TMCO4: variants seen among roughly 807,000 people sequenced by gnomAD.
TMCO4 encodes transmembrane and coiled-coil domain-containing protein 4.
In TMCO4, 58 loss-of-function variants were observed where a neutral mutation model predicts 64.7. That is an observed-to-expected ratio of 0.90 (90% confidence interval 0.73 to 1.12). TMCO4 has a LOEUF of 1.12. TMCO4 is among the 50% of genes most tolerant of loss of function. The probability of loss-of-function intolerance (pLI) is 0.00; values close to 1 mark genes in which losing one functional copy is unlikely to be tolerated. For synonymous variants in TMCO4, 325 were observed against 346.1 expected (o/e 0.94, Z 0.68); for missense variants, 780 against 825.9 (o/e 0.94, Z 0.68).
intron 13 of TMCO4, among the ~76,000 whole-genome samples, chr1:19,725,170 A>C (rs2095403411): frequency 6.6e-6 from 1 of 152,132 alleles, no homozygotes; most frequent in Non-Finnish European, 1.5e-5. Context: ...GGATTGACTA[A>C]TGGACCCTAG....
At chr1:19,751,747 T>A (rs1327256521) in intron 7 of TMCO4, among the ~76,000 whole-genome samples, 1 of 152,202 alleles carries the variant, frequency 6.6e-6, no homozygotes, top group Non-Finnish European at 1.5e-5. Context: ...TATTTGCATG[T>A]TCTTAATAAT....
intron 9 of TMCO4, among the ~76,000 whole-genome samples, chr1:19,746,212 G>T (rs1414516311): frequency 6.6e-5 from 10 of 152,170 alleles, no homozygotes; most frequent in Admixed American, 2.0e-4. Context: ...GTGGAAGCAG[G>T]TTCCACTGGG....
At chr1:19,722,993 T>C (rs764841304) in intron 13 of TMCO4, among the ~76,000 whole-genome samples, 27 of 152,170 alleles carry the variant, frequency 1.8e-4, no homozygotes, top group Non-Finnish European at 2.6e-4. Context: ...ATGGGACACA[T>C]GTACTAGTGG....
chr1:19,717,940 A>T (rs1333470361), intron 13 of TMCO4, among the ~76,000 whole-genome samples: 1 of 152,228 alleles, frequency 6.6e-6, no homozygotes, highest in Non-Finnish European at 1.5e-5. Context: ...GAAATGGTTT[A>T]GACATACATG....
rs1325507949 is a variant in TMCO4 at position 19,734,757 on chromosome 1, A to G, written c.1264+2615T>C. 2.6e-5 allele frequency among the ~76,000 whole-genome samples: 4 copies of G among 152,090 alleles called. No homozygotes were observed. Among genetic ancestry groups the G allele is most frequent in the Admixed American group, 2.0e-4 (3 of 15,280 alleles). ...AAATACAGCATAGTGGTTAGGAGTG[A>G]GGGCTCCAGGGCCAGACTCCCTGGG... On this transcript the variant is annotated intron_variant, in intron 13 of 15. Transcript: ENST00000294543. The surrounding 1 kb of genome is among the most constrained non-coding windows in gnomAD (Gnocchi z 4.4).
At position 19,755,007 on chromosome 1, in the gene TMCO4, A is replaced by G. The variant is rs1570910497; in HGVS notation, c.515+627T>C. Among the ~76,000 whole-genome samples the G allele has an allele frequency of 5.9e-5, 9 of 152,326 alleles. 1 individual carries two copies. The South Asian group carries it at 1.9e-3, about 32-fold the overall frequency. ...GGTATCAGAAACGGGAATTGAATCC[A>G]GGTCAATTGTGCCCGTGAACCAGGT... On this transcript the variant is annotated intron_variant, in intron 7 of 15. Transcript: ENST00000294543.
chr1:19,683,588 T>C, intron 15 of TMCO4, 144 bp from the exon 16 acceptor site: 1 of 863,698 alleles, frequency 1.2e-6, no homozygotes, highest in Non-Finnish European at 1.7e-6. Context: ...CATCCCTCAG[T>C]GGCTCTCAAA....
chr1:19,743,896 T>A lies in TMCO4; in HGVS notation c.877+1636A>T, dbSNP rs1557551055. 6.6e-6 allele frequency among the ~76,000 whole-genome samples: 1 copy of A among 152,174 alleles called. No individual in the cohort carries two copies. Among genetic ancestry groups the A allele is most frequent in the Non-Finnish European group, 1.5e-5 (1 of 68,022 alleles). ...AAGTGAAGTTTCTAGGAGGTAACCATACCAAGTTCCTACTATGCTGGTAAA... is the reference window on the plus strand; with the variant it reads ...AAGTGAAGTTTCTAGGAGGTAACCAAACCAAGTTCCTACTATGCTGGTAAA... On this transcript the variant is annotated intron_variant, in intron 10 of 15. Transcript: ENST00000294543. This position sits in a 1 kb window ranked among gnomAD's most constrained non-coding sequence, Gnocchi z 4.1.
intron 6 of TMCO4, among the ~76,000 whole-genome samples, chr1:19,768,264 G>C (rs2042830147): frequency 6.6e-6 from 1 of 152,170 alleles, no homozygotes; most frequent in African/African-American, 2.4e-5. Flanking sequence ...GCACATGGCG[G>C]CTTTGCCATT....
At position 19,740,772 on chromosome 1, in the gene TMCO4, C is replaced by T; in HGVS notation, c.1042+5G>A. Reference sequence around the variant, plus strand: ...TGTTGTTGGGGGGCAGGTGGGGGCACTTACCAGACAACACTGTGTACTTTA... The same window carrying T: ...TGTTGTTGGGGGGCAGGTGGGGGCATTTACCAGACAACACTGTGTACTTTA... On this transcript the variant is annotated splice_donor_5th_base_variant and intron_variant, in intron 11 of 15. Transcript: ENST00000294543. 6.2e-7 allele frequency: 1 copy of T among 1,604,884 alleles called. No homozygotes were observed. Among genetic ancestry groups the T allele is most frequent in the South Asian group, 1.1e-5 (1 of 89,712 alleles).
Position 19,757,997 on chromosome 1 carries a change from G to C in TMCO4, c.383-2231C>G, listed in dbSNP as rs753103953. On this transcript the variant is annotated intron_variant, in intron 6 of 15. Transcript: ENST00000294543. Reference sequence around the variant, plus strand: ...TGTGAAGACACAAGTTGTCTAAAACGCTAATTCCCCAGTCCAGCTGCCTAT... The same window carrying C: ...TGTGAAGACACAAGTTGTCTAAAACCCTAATTCCCCAGTCCAGCTGCCTAT... 7.2e-5 allele frequency among the ~76,000 whole-genome samples: 11 copies of C among 152,294 alleles called. 1 individual carries two copies. Among genetic ancestry groups the C allele is most frequent in the South Asian group, 4.1e-4 (2 of 4,824 alleles).
At chr1:19,691,288 G>A (rs1029555240) in intron 15 of TMCO4, among the ~76,000 whole-genome samples, 1 of 152,144 alleles carries the variant, frequency 6.6e-6, no homozygotes, top group Admixed American at 6.5e-5. Flanking sequence ...GGCTTCATTT[G>A]TGATCCTCTG....
intron 2 of TMCO4, among the ~76,000 whole-genome samples, chr1:19,789,179 T>A (rs6690096): frequency 0.9 from 136,869 of 152,220 alleles, 61,622 homozygotes; most frequent in African/African-American, 0.93. Flanking sequence ...AGGCAGGCAG[T>A]TCACCTGAGT....
At chr1:19,753,527 G>A (rs1355400452) in intron 7 of TMCO4, among the ~76,000 whole-genome samples, 2 of 152,122 alleles carry the variant, frequency 1.3e-5, no homozygotes, top group East Asian at 1.9e-4. Context: ...TCACACTCTA[G>A]ACCTCAGCTG....
chr1:19,724,327 C>T (rs2095399388), intron 13 of TMCO4, among the ~76,000 whole-genome samples: 1 of 152,166 alleles, frequency 6.6e-6, no homozygotes. Context: ...TATAAAAAGG[C>T]CAGCTTTGTG....
At chr1:19,741,042 T>C (rs1570842383) in intron 10 of TMCO4, 101 bp from the exon 11 acceptor site, 1 of 1,316,528 alleles carries the variant, frequency 7.6e-7, no homozygotes, top group Admixed American at 2.9e-5. Flanking sequence ...CACCCTTGTG[T>C]GGAAGACAAG....
chr1:19,729,595 G>A (rs573861897), intron 13 of TMCO4, among the ~76,000 whole-genome samples: 43 of 151,758 alleles, frequency 2.8e-4, no homozygotes, highest in Non-Finnish European at 3.7e-4. Context: ...GTGAAACCCC[G>A]TCTCTACCAA....
At chr1:19,758,091 C>G (rs2042343849) in intron 6 of TMCO4, among the ~76,000 whole-genome samples, 1 of 152,210 alleles carries the variant, frequency 6.6e-6, no homozygotes, top group African/African-American at 2.4e-5. Context: ...CCTCCTTTCC[C>G]TGGCCTCATG....
At chr1:19,687,532 T>A (rs2095159038) in intron 15 of TMCO4, among the ~76,000 whole-genome samples, 1 of 152,124 alleles carries the variant, frequency 6.6e-6, no homozygotes, top group African/African-American at 2.4e-5. Flanking sequence ...TTACCTTAGT[T>A]TCCTACGAGT....
Sources: gnomAD v4.1 joint callset for allele counts (sites outside exome capture counted in the v4.1 genomes callset) on GRCh38, gnomAD v4.1.1 for gene constraint, Gnocchi (gnomAD v3.1) non-coding constraint, MANE v1.5 for transcripts, NCBI Gene and HGNC (gene_info 2026-07-23, HGNC 2026-07-21) for gene names.